PAGE2B: variants seen among roughly 807,000 people sequenced by gnomAD.
The protein encoded by PAGE2B is PAGE family member 2B, also known as putative G antigen family E member 3.
PAGE2B carries 5 observed loss-of-function variants against 7.6 expected under a neutral mutation model. The observed-to-expected ratio is 0.66, with a 90% CI of 0.34 to 1.38. PAGE2B has a LOEUF of 1.38. Among genes scored for constraint, PAGE2B ranks in the 40% most tolerant of loss-of-function variants. PAGE2B has a pLI of 0.04. For synonymous variants in PAGE2B, 29 were observed against 26.7 expected (o/e 1.09, Z -0.27); for missense variants, 70 against 78.4 (o/e 0.89, Z 0.41).
chrX:55,052,839 C>T, the PAGE2B span, among the ~76,000 whole-genome samples: 1 of 112,811 alleles, frequency 8.9e-6, no homozygotes, highest in African/African-American at 3.2e-5. Flanking sequence ...TGAGATGAAC[C>T]CAGTACCTCA....
the PAGE2B span, among the ~76,000 whole-genome samples, chrX:55,069,683 TG>T: frequency 3.6e-5 from 4 of 111,636 alleles, no homozygotes; most frequent in South Asian, 1.5e-3. Flanking sequence ...TGGACTTTTT[TG>T]GTTGGTAGGC....
chrX:55,032,163 T>C, the PAGE2B span, among the ~76,000 whole-genome samples: 1 of 111,368 alleles, frequency 9.0e-6, no homozygotes, highest in Admixed American at 9.5e-5. Context: ...ATATAAGCAT[T>C]CCTGGATCTA....
At chrX:55,072,244 G>A (rs1936457095), upstream of PAGE2B, among the ~76,000 whole-genome samples, 2 of 112,258 alleles carry the variant, frequency 1.8e-5, no homozygotes, top group Non-Finnish European at 3.8e-5. Flanking sequence ...GATGATCTTT[G>A]GATGTGGTTT....
At chrX:55,071,164 G>T (rs1282829361), upstream of PAGE2B, among the ~76,000 whole-genome samples, 2 of 109,159 alleles carry the variant, frequency 1.8e-5, no homozygotes, top group Admixed American at 2.0e-4. Context: ...TTGTTTGTTT[G>T]TTTTTTTTGC....
At chrX:55,028,698 C>T in the PAGE2B span, among the ~76,000 whole-genome samples, 3 of 111,610 alleles carry the variant, frequency 2.7e-5, no homozygotes, top group African/African-American at 9.8e-5. Context: ...CTGAAATTTG[C>T]TCTGCCTCAC....
At chrX:55,050,057 C>T in the PAGE2B span, among the ~76,000 whole-genome samples, 2 of 112,369 alleles carry the variant, frequency 1.8e-5, no homozygotes, top group Non-Finnish European at 3.8e-5. Flanking sequence ...GCCTTCATTT[C>T]GTTATGTACC....
the PAGE2B span, among the ~76,000 whole-genome samples, chrX:55,038,011 C>G: frequency 9.2e-6 from 1 of 108,576 alleles, no homozygotes; most frequent in Non-Finnish European, 1.9e-5. Context: ...TGTAACAAAC[C>G]TGCACATTGT....
At chrX:55,070,870 G>A (rs1291447255), upstream of PAGE2B, among the ~76,000 whole-genome samples, 2 of 110,545 alleles carry the variant, frequency 1.8e-5, no homozygotes, top group Non-Finnish European at 3.8e-5. Flanking sequence ...GCCTTTTTTT[G>A]CTCTCCATTT....
chrX:55,046,794 T>C, the PAGE2B span, among the ~76,000 whole-genome samples: 1 of 112,149 alleles, frequency 8.9e-6, no homozygotes, highest in Admixed American at 9.4e-5. Flanking sequence ...GTGGGGAGGA[T>C]GCAGATGATG....
chrX:55,051,450 T>G, the PAGE2B span, among the ~76,000 whole-genome samples: 2 of 112,220 alleles, frequency 1.8e-5, no homozygotes, highest in Non-Finnish European at 3.8e-5. Flanking sequence ...GTACACCAGT[T>G]AGACATAGAT....
chrX:55,032,110 T>C, the PAGE2B span, among the ~76,000 whole-genome samples: 10 of 111,539 alleles, frequency 9.0e-5, no homozygotes, highest in Non-Finnish European at 1.5e-4. Flanking sequence ...TGAACATCTT[T>C]TGGCATTTGT....
At chrX:55,035,345 TC>T in the PAGE2B span, among the ~76,000 whole-genome samples, 1 of 111,808 alleles carries the variant, frequency 8.9e-6, no homozygotes, top group Non-Finnish European at 1.9e-5. Flanking sequence ...AGTTTAAAAG[TC>T]CCTAAGGTAT....
intron 1 of PAGE2B, 135 bp downstream of exon 1, chrX:55,075,249 C>A (rs1383658837): frequency 7.2e-6 from 1 of 138,993 alleles, no homozygotes; most frequent in Non-Finnish European, 1.4e-5. Flanking sequence ...TCGTCCGGCC[C>A]CTCCCAGGTC....
chrX:55,043,159 G>T, the PAGE2B span, among the ~76,000 whole-genome samples: 1 of 111,399 alleles, frequency 9.0e-6, no homozygotes, highest in Non-Finnish European at 1.9e-5. Context: ...GAATAAAACT[G>T]GGTCCTCATC....
chrX:55,053,712 C>G, the PAGE2B span, among the ~76,000 whole-genome samples: 5 of 111,315 alleles, frequency 4.5e-5, no homozygotes, highest in African/African-American at 1.6e-4. Context: ...TTACCCTGTC[C>G]CCTATCCTGA....
the PAGE2B span, among the ~76,000 whole-genome samples, chrX:55,061,399 C>G: frequency 9.0e-6 from 1 of 110,739 alleles, no homozygotes; most frequent in Admixed American, 9.7e-5. Flanking sequence ...TCCTCCTGCT[C>G]TCTACTCTCA....
the PAGE2B span, among the ~76,000 whole-genome samples, chrX:55,056,587 G>A: frequency 9.0e-6 from 1 of 110,545 alleles, no homozygotes; most frequent in African/African-American, 3.3e-5. Context: ...GTTGGGGATT[G>A]GAGTGATGGC....
the PAGE2B span, among the ~76,000 whole-genome samples, chrX:55,051,535 T>C: frequency 9.0e-6 from 1 of 111,676 alleles, no homozygotes; most frequent in South Asian, 3.8e-4. Context: ...TCTAAACTTC[T>C]ATTCACGCTT....
the PAGE2B span, among the ~76,000 whole-genome samples, chrX:55,052,003 C>T: frequency 1.3e-4 from 14 of 111,940 alleles, no homozygotes; most frequent in African/African-American, 4.5e-4. Context: ...GATGTCCTTT[C>T]TGTTTGTTAG....
Sources: gnomAD v4.1 joint callset for allele counts (sites outside exome capture counted in the v4.1 genomes callset) on GRCh38, gnomAD v4.1.1 for gene constraint, MANE v1.5 for transcripts, NCBI Gene and HGNC (gene_info 2026-07-23, HGNC 2026-07-21) for gene names.